Variants in CELF4 observed in about 807,000 individuals in gnomAD.
CELF4 encodes CUGBP Elav-like family member 4.
In CELF4, 18 loss-of-function variants were observed where a neutral mutation model predicts 59.9. The observed-to-expected ratio is 0.30, with a 90% CI of 0.21 to 0.45. CELF4 has a LOEUF of 0.45. CELF4 is among the 20% of genes least tolerant of loss of function. The pLI is 1.00. For synonymous variants in CELF4, 261 were observed against 267.1 expected, an observed-to-expected ratio of 0.98 and a Z score of 0.22; for missense variants, 456 against 689.0, an observed-to-expected ratio of 0.66 and a Z score of 3.79.
chr18:37,271,403 C>T (rs746057220), intron 7 of CELF4, among the ~76,000 whole-genome samples: 16 of 152,064 alleles, frequency 1.1e-4, no homozygotes, highest in Non-Finnish European at 1.9e-4. Context: ...TACCAGCATG[C>T]ACCACCAGGC....
intron 2 of CELF4, among the ~76,000 whole-genome samples, chr18:37,364,354 C>T (rs1244631240): frequency 6.6e-6 from 1 of 152,222 alleles, no homozygotes; most frequent in Non-Finnish European, 1.5e-5. Flanking sequence ...TTTCACTTCT[C>T]CCTGGCAGCC....
At position 37,273,051 on chromosome 18, in the gene CELF4, T is replaced by C; in HGVS notation, c.914A>G (p.Asn305Ser). The C allele has an allele frequency of 2.5e-6, 4 of 1,612,470 alleles. No individual in the cohort carries two copies. Among genetic ancestry groups the C allele is most frequent in the Non-Finnish European group, 3.4e-6 (4 of 1,179,848 alleles). ...QMQQMAALNM[N>S]GLAAAPMTPT... ...GGTCATAGGTGCGGCCGCCAGGCCA[T>C]TCATGTTGAGGGCCGCCATCTGCTG... is the stretch of plus-strand genomic sequence containing the variant. Residue 305 changes from asparagine to serine, a missense_variant, in exon 7 of 13, where the codon AAT (asparagine) becomes AGT (serine). Asn to Ser is a conservative substitution (Grantham distance 46). Around this residue, in one of 7 missense-constraint regions of CELF4, gnomAD observed 256 missense variants for 340.8 expected, o/e 0.75. Transcript: ENST00000420428.
rs937817675 is a variant in CELF4 at position 37,244,987 on chromosome 18, T to G, written c.*255A>C. 4 of 152,602 alleles carry G rather than the reference T, an allele frequency of 2.6e-5. No individual in the cohort carries two copies. The highest frequency in any genetic ancestry group is 9.7e-5 in the African/African-American group (4 of 41,440). The allele number at this position is 152,602 out of a possible 1,614,324, so 9.5% of individuals were successfully genotyped here. A position where few individuals can be genotyped will look rare whatever the true frequency, so the allele number is the denominator to read the frequency against. Reference sequence around the variant, plus strand: ...ATTTTTCTTCATCTTCTTCTTCATGTCATATATATTTTCCCCCAAACACGT... The same window carrying G: ...ATTTTTCTTCATCTTCTTCTTCATGGCATATATATTTTCCCCCAAACACGT... On this transcript the variant is annotated 3_prime_UTR_variant, in exon 13 of 13. Coordinates refer to ENST00000420428, the MANE Select transcript of CELF4 (RefSeq NM_020180.4).
At chr18:37,542,554 C>A (rs1411083530) in intron 1 of CELF4, among the ~76,000 whole-genome samples, 3 of 152,196 alleles carry the variant, frequency 2.0e-5, no homozygotes, top group African/African-American at 7.2e-5. Context: ...GAAGTTAGGG[C>A]AGTTAAACTC....
chr18:37,500,182 G>A (rs1301933190), intron 1 of CELF4, among the ~76,000 whole-genome samples: 1 of 152,176 alleles, frequency 6.6e-6, no homozygotes, highest in African/African-American at 2.4e-5. Flanking sequence ...GGAGGTGTAG[G>A]CCTAGTGCAG....
chr18:37,481,475 G>T (rs897258998), intron 2 of CELF4, among the ~76,000 whole-genome samples: 1 of 152,186 alleles, frequency 6.6e-6, no homozygotes, highest in Non-Finnish European at 1.5e-5. Context: ...AAACAGAAGG[G>T]CTCTTCCTGG....
At chr18:37,259,301 A>C (rs2154298409) in intron 10 of CELF4, 37 bp from the exon 11 acceptor site, 58 of 191,206 alleles carry the variant, frequency 3.0e-4, no homozygotes, top group East Asian at 7.3e-4. Context: ...GGGAGGAGGG[A>C]TGGCAGGGTG....
At chr18:37,441,798 G>C (rs1233834636) in intron 2 of CELF4, among the ~76,000 whole-genome samples, 3 of 152,032 alleles carry the variant, frequency 2.0e-5, no homozygotes, top group African/African-American at 7.2e-5. Flanking sequence ...ATTCTTGAAG[G>C]CCCAGTGCAG....
chr18:37,340,007 A>G (rs2097937822), intron 2 of CELF4, among the ~76,000 whole-genome samples: 1 of 152,128 alleles, frequency 6.6e-6, no homozygotes, highest in Non-Finnish European at 1.5e-5. Context: ...ATTAATCCTT[A>G]TTAGCACGGC....
chr18:37,480,484 C>T (rs2099863501), intron 2 of CELF4, among the ~76,000 whole-genome samples: 1 of 152,240 alleles, frequency 6.6e-6, no homozygotes, highest in South Asian at 2.1e-4. Flanking sequence ...ATATCACTGT[C>T]TCTGGGGACC....
intron 2 of CELF4, among the ~76,000 whole-genome samples, chr18:37,365,380 C>T (rs1214629282): frequency 2.6e-5 from 4 of 151,956 alleles, no homozygotes; most frequent in Non-Finnish European, 5.9e-5. Context: ...AGCATGTCGC[C>T]CACCCCCTGT....
rs533273869 is a variant in CELF4 at position 37,555,457 on chromosome 18, G to A, written c.286+9899C>T. 2.0e-5 allele frequency among the ~76,000 whole-genome samples: 3 copies of A among 152,130 alleles called. No individual in the cohort carries two copies. The South Asian group carries it at 6.2e-4, about 32-fold the overall frequency. On this transcript the variant is annotated intron_variant, in intron 1 of 12. Transcript: ENST00000420428. ...GGAGTTCAAAACCATAAAGCCTCTG[G>A]GAACAAGGACCCCCTCTCCCACCAT...
intron 1 of CELF4, among the ~76,000 whole-genome samples, chr18:37,494,669 C>T (rs951702973): frequency 6.6e-6 from 1 of 152,194 alleles, no homozygotes; most frequent in Non-Finnish European, 1.5e-5. Flanking sequence ...AAGCTTGAGA[C>T]TGGGAGAGGC....
At chr18:37,396,471 A>G (rs2099246692) in intron 2 of CELF4, among the ~76,000 whole-genome samples, 1 of 152,226 alleles carries the variant, frequency 6.6e-6, no homozygotes, top group Admixed American at 6.5e-5. Context: ...AAAACAGACA[A>G]ACAGAAACAA....
intron 10 of CELF4, among the ~76,000 whole-genome samples, chr18:37,261,648 C>T (rs932541754): frequency 6.6e-6 from 1 of 152,266 alleles, no homozygotes; most frequent in African/African-American, 2.4e-5. Context: ...TGTGGTCCAG[C>T]CCAGCCTTCT....
chr18:37,332,761 C>T (rs1012005437), intron 2 of CELF4, among the ~76,000 whole-genome samples: 21 of 152,298 alleles, frequency 1.4e-4, no homozygotes, highest in Admixed American at 1.1e-3. Flanking sequence ...TGGAAGGACA[C>T]GATGAAAATC....
chr18:37,297,568 A>G (rs1057369322), intron 3 of CELF4, among the ~76,000 whole-genome samples: 27 of 152,214 alleles, frequency 1.8e-4, no homozygotes, highest in African/African-American at 6.5e-4. Flanking sequence ...TAAAATTTAC[A>G]AACAGTGACA....
intron 2 of CELF4, among the ~76,000 whole-genome samples, chr18:37,406,494 G>C (rs1229345416): frequency 6.6e-6 from 1 of 152,206 alleles, no homozygotes; most frequent in Non-Finnish European, 1.5e-5. Context: ...TGAATGTGCT[G>C]CTGGACCTTG....
At chr18:37,515,508 G>A (rs918146481) in intron 1 of CELF4, among the ~76,000 whole-genome samples, 1 of 152,204 alleles carries the variant, frequency 6.6e-6, no homozygotes, top group African/African-American at 2.4e-5. Flanking sequence ...TCCTCCAGTA[G>A]AGGCCTAAAG....
Sources: gnomAD v4.1 joint callset for allele counts (sites outside exome capture counted in the v4.1 genomes callset) on GRCh38, gnomAD v4.1.1 for gene constraint, gnomAD v4.1.1 regional missense constraint, MANE v1.5 for transcripts, NCBI Gene and HGNC (gene_info 2026-07-23, HGNC 2026-07-21) for gene names.